The following AGBL1 variants were observed in gnomAD, a reference collection of about 807,000 sequenced individuals.
AGBL1 encodes the protein AGBL carboxypeptidase 1.
Under a neutral mutation model 118.9 loss-of-function variants are expected in AGBL1, and 130 were observed. That is an observed-to-expected ratio of 1.09 (90% CI 0.95 to 1.26). The LOEUF is 1.26. AGBL1 is among the 50% of genes most tolerant of loss of function. The pLI, the probability that AGBL1 is intolerant of heterozygous loss-of-function variation, is 0.00. For synonymous variants in AGBL1, 555 were observed against 478.9 expected, an observed-to-expected ratio of 1.16 and a Z score of -2.08; for missense variants, 1,584 against 1,298.1, an observed-to-expected ratio of 1.22 and a Z score of -3.38.
intron 22 of AGBL1, among the ~76,000 whole-genome samples, chr15:86,809,255 T>C (rs2078757967): frequency 6.6e-6 from 1 of 152,164 alleles, no homozygotes; most frequent in Non-Finnish European, 1.5e-5. Context: ...CTCGTTTTTC[T>C]ACTTTTATAA....
At position 86,349,316 on chromosome 15, in the gene AGBL1, C is replaced by T. The variant is rs566158420; in HGVS notation, c.2375-48050C>T. On this transcript the variant is annotated intron_variant, in intron 17 of 22. Transcript: ENST00000614907. ...GAATGGTGCTAGACAGTCTACAATG[C>T]ACAAGACAACCACCTATAACAAGGA... 3.3e-5 allele frequency among the ~76,000 whole-genome samples: 5 copies of T among 152,276 alleles called. No homozygotes were observed. In the South Asian group the frequency reaches 8.3e-4, roughly 25 times the overall value.
intron 22 of AGBL1, among the ~76,000 whole-genome samples, chr15:86,792,858 T>G (rs1027206191): frequency 1.2e-4 from 19 of 152,206 alleles, no homozygotes; most frequent in African/African-American, 3.6e-4. Flanking sequence ...AAGTCAAAGC[T>G]ATATCTCCAT....
At chr15:86,800,797 C>G (rs1362029585) in intron 22 of AGBL1, among the ~76,000 whole-genome samples, 5 of 151,998 alleles carry the variant, frequency 3.3e-5, no homozygotes, top group Admixed American at 1.3e-4. Context: ...AAGAAGGTCA[C>G]TTACAAAGGT....
chr15:86,655,309 C>T (rs1044571194), intron 21 of AGBL1, among the ~76,000 whole-genome samples: 2 of 152,160 alleles, frequency 1.3e-5, no homozygotes, highest in South Asian at 2.1e-4. Context: ...CAGCTGAATA[C>T]ACAATAGGAA....
intron 21 of AGBL1, among the ~76,000 whole-genome samples, chr15:86,644,524 T>C (rs1445604288): frequency 6.6e-6 from 1 of 152,074 alleles, no homozygotes; most frequent in Non-Finnish European, 1.5e-5. Context: ...TCTAACAGCA[T>C]AGATAAGTTT....
chr15:86,712,500 T>G (rs2086576221), intron 22 of AGBL1, among the ~76,000 whole-genome samples: 1 of 152,156 alleles, frequency 6.6e-6, no homozygotes, highest in African/African-American at 2.4e-5. Flanking sequence ...TGTGGCTAAG[T>G]GATGCACTTG....
chr15:86,337,889 A>T (rs1036919050), intron 17 of AGBL1, among the ~76,000 whole-genome samples: 4 of 150,248 alleles, frequency 2.7e-5, no homozygotes, highest in Non-Finnish European at 4.5e-5. Flanking sequence ...CTTAAAAATA[A>T]AAAAGAAAGA....
chr15:86,978,335 T>C (rs575593908), intron 23 of AGBL1, among the ~76,000 whole-genome samples: 27 of 152,196 alleles, frequency 1.8e-4, no homozygotes, highest in Middle Eastern at 6.3e-3. Context: ...AAAGCGATTG[T>C]AAGTTTCAGT....
chr15:86,335,723 G>C (rs1364484977), intron 17 of AGBL1, among the ~76,000 whole-genome samples: 1 of 152,164 alleles, frequency 6.6e-6, no homozygotes, highest in Non-Finnish European at 1.5e-5. Flanking sequence ...TTATAAGAAA[G>C]TTGGAGAAAA....
intron 17 of AGBL1, among the ~76,000 whole-genome samples, chr15:86,365,028 C>A (rs982077389): frequency 9.8e-6 from 1 of 102,278 alleles, no homozygotes; most frequent in Non-Finnish European, 2.2e-5. Context: ...TATATATATA[C>A]ACACACATAT....
chr15:86,257,847 A>C, intron 8 of AGBL1, 117 bp from the exon 9 acceptor site: 2 of 921,540 alleles, frequency 2.2e-6, no homozygotes, highest in Non-Finnish European at 3.3e-6. Context: ...TGCAATTAAT[A>C]TTGGGCCCCT....
Position 87,016,224 on chromosome 15 carries a change from A to T in AGBL1, c.3324-12601A>T, listed in dbSNP as rs187635103. ...CCACTGATCCACTAGGACTGATATAAGGCCCAGGAATTGGGATTTTTAATA... is the reference window on the plus strand; with the variant it reads ...CCACTGATCCACTAGGACTGATATATGGCCCAGGAATTGGGATTTTTAATA... On this transcript the variant is annotated intron_variant, in intron 24 of 24. Coordinates refer to the AGBL1 transcript ENST00000441037. Among the ~76,000 whole-genome samples, 199 of 151,052 alleles carry T rather than the reference A, an allele frequency of 1.3e-3. 1 individual carries two copies. Among genetic ancestry groups the T allele is most frequent in the African/African-American group, 4.6e-3 (191 of 41,132 alleles).
At chr15:86,143,656 G>A (rs1249908447) in intron 2 of AGBL1, 43 bp from the exon 3 acceptor site, 1 of 1,603,132 alleles carries the variant, frequency 6.2e-7, no homozygotes, top group African/African-American at 1.3e-5. Flanking sequence ...AGGAAAATGG[G>A]GATTATTACT....
chr15:86,168,967 A>G (rs1311032361), intron 5 of AGBL1, among the ~76,000 whole-genome samples: 1 of 152,184 alleles, frequency 6.6e-6, no homozygotes, highest in East Asian at 1.9e-4. Context: ...TCTCACCTTA[A>G]AAAACAAACT....
chr15:86,176,743 G>C (rs1226969260), intron 5 of AGBL1, among the ~76,000 whole-genome samples: 1 of 152,114 alleles, frequency 6.6e-6, no homozygotes, highest in East Asian at 1.9e-4. Flanking sequence ...GGAGTGTGTG[G>C]GATCCAGCCT....
chr15:86,371,862 G>A (rs1202970764), intron 17 of AGBL1, among the ~76,000 whole-genome samples: 1 of 152,176 alleles, frequency 6.6e-6, no homozygotes, highest in South Asian at 2.1e-4. Flanking sequence ...TGGTAACGTA[G>A]TAGAGAGTGG....
chr15:86,991,455 T>A (rs2081335112), intron 24 of AGBL1, among the ~76,000 whole-genome samples: 1 of 151,964 alleles, frequency 6.6e-6, no homozygotes, highest in Non-Finnish European at 1.5e-5. Context: ...TATTTATTTA[T>A]TTATTTATTT....
intron 5 of AGBL1, among the ~76,000 whole-genome samples, chr15:86,178,314 C>T (rs926547092): frequency 2.6e-5 from 4 of 151,922 alleles, no homozygotes; most frequent in Non-Finnish European, 5.9e-5. Context: ...TCTGCCAAAA[C>T]AAAACAAACA....
At chr15:86,575,572 T>C (rs1267175552) in intron 21 of AGBL1, among the ~76,000 whole-genome samples, 4 of 152,086 alleles carry the variant, frequency 2.6e-5, no homozygotes, top group Non-Finnish European at 5.9e-5. Context: ...TATTCAAATT[T>C]TAAAATTCAT....
Sources: gnomAD v4.1 joint callset for allele counts (sites outside exome capture counted in the v4.1 genomes callset) on GRCh38, gnomAD v4.1.1 for gene constraint, MANE v1.5 for transcripts, NCBI Gene and HGNC (gene_info 2026-07-23, HGNC 2026-07-21) for gene names.